The following TSPAN15 variants were observed in gnomAD, a reference collection of about 807,000 sequenced individuals.
TSPAN15 encodes the protein tetraspanin-15.
TSPAN15 carries 20 observed loss-of-function variants against 34.5 expected under a neutral mutation model. The observed-to-expected ratio is 0.58, with a 90% CI of 0.41 to 0.84. TSPAN15 has a LOEUF of 0.84. Ranked by LOEUF, TSPAN15 falls within the 40% of genes least tolerant of loss-of-function variation. The pLI is 0.00. For synonymous variants in TSPAN15, 155 were observed against 153.9 expected (o/e 1.01, Z -0.05); for missense variants, 313 against 386.1 (o/e 0.81, Z 1.59).
downstream of TSPAN15, among the ~76,000 whole-genome samples, chr10:69,512,601 G>A (rs1467152898): frequency 6.6e-6 from 1 of 152,156 alleles, no homozygotes; most frequent in Non-Finnish European, 1.5e-5. Flanking sequence ...ACCATCCACA[G>A]CCTATGCTTA....
intron 3 of TSPAN15, among the ~76,000 whole-genome samples, chr10:69,493,764 G>A (rs1221008222): frequency 6.6e-6 from 1 of 152,288 alleles, no homozygotes; most frequent in Admixed American, 6.5e-5. Flanking sequence ...GAGCCACTGC[G>A]CCAGGCCGCC....
At chr10:69,507,751 G>C (rs1354915150), downstream of TSPAN15, 28 of 923,488 alleles carry the variant, frequency 3.0e-5, no homozygotes, top group Non-Finnish European at 3.9e-5. Context: ...TTGTGGATGC[G>C]AGGATGAAGG....
chr10:69,456,342 C>T (rs1010630329), intron 1 of TSPAN15, among the ~76,000 whole-genome samples: 32 of 152,184 alleles, frequency 2.1e-4, no homozygotes, highest in Non-Finnish European at 3.2e-4. Context: ...CAGCCTGGGC[C>T]TCCCAAAGTG....
At chr10:69,460,377 C>T (rs1266056270) in intron 1 of TSPAN15, among the ~76,000 whole-genome samples, 3 of 152,326 alleles carry the variant, frequency 2.0e-5, no homozygotes, top group African/African-American at 4.8e-5. Context: ...AAGCTAGGCC[C>T]CTGGGCTGGT....
At chr10:69,483,462 T>G (rs1226322852) in intron 1 of TSPAN15, among the ~76,000 whole-genome samples, 1 of 152,180 alleles carries the variant, frequency 6.6e-6, no homozygotes, top group Non-Finnish European at 1.5e-5. Context: ...CTTTAATTAG[T>G]TCTTTAAGGG....
At chr10:69,508,302 A>G (rs895636498), downstream of TSPAN15, among the ~76,000 whole-genome samples, 2 of 151,824 alleles carry the variant, frequency 1.3e-5, no homozygotes, top group Non-Finnish European at 2.9e-5. Context: ...TTAGCCGGGC[A>G]TGGTGGTGCG....
chr10:69,490,678 G>C (rs944549095), intron 3 of TSPAN15, among the ~76,000 whole-genome samples: 11 of 152,352 alleles, frequency 7.2e-5, no homozygotes, highest in African/African-American at 2.4e-4. Context: ...CCATGATCGT[G>C]CTACTGCACT....
intron 1 of TSPAN15, among the ~76,000 whole-genome samples, chr10:69,472,165 T>C (rs2133089521): frequency 6.6e-6 from 1 of 152,288 alleles, no homozygotes; most frequent in East Asian, 1.9e-4. Flanking sequence ...CTCTTGCTTC[T>C]GTGAACCTCC....
At chr10:69,549,421 T>C in the TSPAN15 span, among the ~76,000 whole-genome samples, 16 of 152,212 alleles carry the variant, frequency 1.1e-4, no homozygotes, top group Non-Finnish European at 2.2e-4. Context: ...GCAGGGATAA[T>C]GGTGTGGGGA....
intron 5 of TSPAN15, among the ~76,000 whole-genome samples, chr10:69,498,937 C>T (rs1268397196): frequency 6.6e-6 from 1 of 152,150 alleles, no homozygotes; most frequent in Non-Finnish European, 1.5e-5. Flanking sequence ...CAGGCAGGAC[C>T]TGCACCTTGG....
At chr10:69,453,515 G>C (rs995946998) in intron 1 of TSPAN15, among the ~76,000 whole-genome samples, 1 of 152,064 alleles carries the variant, frequency 6.6e-6, no homozygotes, top group Non-Finnish European at 1.5e-5. Flanking sequence ...GTTGTATTTT[G>C]GGCTTCACCC....
the TSPAN15 span, among the ~76,000 whole-genome samples, chr10:69,525,834 A>C: frequency 1.4e-5 from 2 of 145,872 alleles, no homozygotes; most frequent in Non-Finnish European, 3.0e-5. Context: ...AAAAAAAAAA[A>C]CTATTCAACC....
the TSPAN15 span, among the ~76,000 whole-genome samples, chr10:69,533,039 T>C: frequency 1.4e-4 from 22 of 152,206 alleles, no homozygotes. Flanking sequence ...GATGCTGGTG[T>C]GGATGCGGTG....
intron 6 of TSPAN15, among the ~76,000 whole-genome samples, chr10:69,505,722 A>G (rs1842311121): frequency 1.3e-5 from 2 of 152,020 alleles, no homozygotes; most frequent in African/African-American, 4.8e-5. Flanking sequence ...TTTGTTTTTT[A>G]TATGTACCTG....
the TSPAN15 span, among the ~76,000 whole-genome samples, chr10:69,541,958 T>C: frequency 2.6e-5 from 4 of 152,240 alleles, no homozygotes; most frequent in Non-Finnish European, 5.9e-5. Context: ...GTGATTAACA[T>C]TCGGTTCCTC....
At chr10:69,524,271 C>T in the TSPAN15 span, among the ~76,000 whole-genome samples, 32 of 147,134 alleles carry the variant, frequency 2.2e-4, no homozygotes, top group Non-Finnish European at 3.0e-5. Flanking sequence ...TAGTTCAAGA[C>T]CAGCCTGGCT....
intron 1 of TSPAN15, among the ~76,000 whole-genome samples, chr10:69,481,039 G>A (rs1280509263): frequency 6.6e-6 from 1 of 152,208 alleles, no homozygotes; most frequent in African/African-American, 2.4e-5. Flanking sequence ...TGCTCTCCGA[G>A]GACCTGGGGC....
chr10:69,479,522 G>GC (rs979426224), intron 1 of TSPAN15, among the ~76,000 whole-genome samples: 5 of 152,180 alleles, frequency 3.3e-5, no homozygotes, highest in African/African-American at 1.2e-4. Flanking sequence ...ATGGCCGTGT[G>GC]CCCCCCACCC....
At chr10:69,539,284 C>T in the TSPAN15 span, among the ~76,000 whole-genome samples, 1 of 151,690 alleles carries the variant, frequency 6.6e-6, no homozygotes, top group Admixed American at 6.6e-5. Flanking sequence ...TAAAAGACTA[C>T]ACACTGGGTA....
Sources: gnomAD v4.1 joint callset for allele counts (sites outside exome capture counted in the v4.1 genomes callset) on GRCh38, gnomAD v4.1.1 for gene constraint, MANE v1.5 for transcripts, NCBI Gene and HGNC (gene_info 2026-07-23, HGNC 2026-07-21) for gene names.